The following F9 variants were observed in gnomAD, a reference collection of about 807,000 sequenced individuals.
F9 encodes the protein Christmas factor.
F9 carries 2 observed loss-of-function variants against 34.1 expected under a neutral mutation model. The ratio of observed to expected loss-of-function variants is 0.06; its 90% confidence interval spans 0.02 to 0.18. The LOEUF is 0.18. Ranked by LOEUF, F9 falls within the 10% of genes least tolerant of loss-of-function variation. F9 has a pLI of 1.00. For synonymous variants in F9, 137 were observed against 118.8 expected, an observed-to-expected ratio of 1.15 and a Z score of -1.00; for missense variants, 216 against 345.1, an observed-to-expected ratio of 0.63 and a Z score of 2.96.
intron 7 of F9, among the ~76,000 whole-genome samples, 185 bp downstream of exon 7, chrX:139,561,040 C>T (rs1416217939): frequency 9.0e-6 from 1 of 111,522 alleles, no homozygotes; most frequent in Non-Finnish European, 1.9e-5. Flanking sequence ...TGATATACCC[C>T]TATTATCACT....
chrX:139,550,301 G>A (rs966132508), intron 5 of F9, among the ~76,000 whole-genome samples: 2 of 111,903 alleles, frequency 1.8e-5, no homozygotes, highest in Admixed American at 9.5e-5. Context: ...ATACTTTGTC[G>A]CAGCTGGTTG....
At chrX:139,549,707 C>T (rs1927798243) in intron 5 of F9, among the ~76,000 whole-genome samples, 1 of 112,355 alleles carries the variant, frequency 8.9e-6, no homozygotes, top group Non-Finnish European at 1.9e-5. Flanking sequence ...TGCCCTCATT[C>T]TGGTAAACCC....
intron 4 of F9, among the ~76,000 whole-genome samples, chrX:139,542,136 CATGAA>C (rs958698533): frequency 5.4e-5 from 6 of 111,648 alleles, no homozygotes; most frequent in East Asian, 2.8e-4. Context: ...ATGAAAAAGG[CATGAA>C]ATGAAATGAA....
intron 1 of F9, among the ~76,000 whole-genome samples, chrX:139,531,533 G>A (rs4149754): frequency 0.053 from 5,886 of 111,988 alleles, 147 homozygotes; most frequent in Middle Eastern, 0.087. Flanking sequence ...GTTCCCTAGG[G>A]GAGAAAAGCA....
At chrX:139,532,892 A>G (rs961057771) in intron 1 of F9, among the ~76,000 whole-genome samples, 1 of 111,727 alleles carries the variant, frequency 9.0e-6, no homozygotes, top group Non-Finnish European at 1.9e-5. Flanking sequence ...GTCATCAGAT[A>G]ATGAAGTCAT....
chrX:139,532,777 C>CGAGT (rs1484498008), intron 1 of F9, among the ~76,000 whole-genome samples: 1 of 111,988 alleles, frequency 8.9e-6, no homozygotes, highest in African/African-American at 3.2e-5. Flanking sequence ...CAAAGAGGAT[C>CGAGT]ACTCGTGCAA....
At chrX:139,549,683 G>A (rs780194177) in intron 5 of F9, among the ~76,000 whole-genome samples, 1 of 112,102 alleles carries the variant, frequency 8.9e-6, no homozygotes, top group East Asian at 2.8e-4. Context: ...GCCCTGGGTG[G>A]GCCAGGTGTT....
chrX:139,556,960 C>T (rs777980567), intron 6 of F9, among the ~76,000 whole-genome samples: 1 of 112,041 alleles, frequency 8.9e-6, no homozygotes, highest in South Asian at 3.7e-4. Flanking sequence ...TCGCAGGTAA[C>T]GGTTACGTTG....
chrX:139,559,340 G>A (rs1374560300), intron 6 of F9, among the ~76,000 whole-genome samples: 3 of 112,444 alleles, frequency 2.7e-5, no homozygotes, highest in African/African-American at 6.5e-5. Flanking sequence ...GGATCACGAG[G>A]TTGAGAGATC....
At chrX:139,551,955 T>C (rs940569662) in intron 6 of F9, among the ~76,000 whole-genome samples, 7 of 111,597 alleles carry the variant, frequency 6.3e-5, no homozygotes, top group Non-Finnish European at 1.3e-4. Context: ...TTTGGGAGAC[T>C]GAGACGGGAG....
rs750955240 is a variant in F9 at position 139,561,792 on chromosome X, T to A, written c.1107T>A (p.Leu369=). 8.3e-7 allele frequency: 1 copy of A among 1,212,053 alleles called. No individual in the cohort carries two copies. The highest frequency in any genetic ancestry group is 1.1e-6 in the Non-Finnish European group (1 of 895,636). The change falls in exon 8 of 8, where the codon CTT becomes CTA. Residue 369 remains leucine (L), a synonymous_variant. Transcript: ENST00000218099. ...ACAAAGGGAGATCAGCTTTAGTTCT[T>A]CAGTACCTTAGAGTTCCACTTGTTG... is the stretch of plus-strand genomic sequence containing the variant. ...VFHKGRSALV[L]QYLRVPLVDR...
At chrX:139,534,676 G>A (rs947721043) in intron 1 of F9, among the ~76,000 whole-genome samples, 1 of 112,251 alleles carries the variant, frequency 8.9e-6, no homozygotes, top group African/African-American at 3.2e-5. Flanking sequence ...AGGAGGATGT[G>A]TTTAGGTTAT....
chrX:139,534,837 A>T (rs1927419573), intron 1 of F9, among the ~76,000 whole-genome samples: 1 of 111,492 alleles, frequency 9.0e-6, no homozygotes, highest in Non-Finnish European at 1.9e-5. Context: ...GTCCAGGGCC[A>T]AGTAAATGAG....
chrX:139,557,568 C>T (rs370925821), intron 6 of F9, among the ~76,000 whole-genome samples: 3 of 112,320 alleles, frequency 2.7e-5, no homozygotes, highest in East Asian at 2.8e-4. Flanking sequence ...CCTGGCCTAA[C>T]TAGCCTACTG....
intron 4 of F9, 121 bp from the exon 5 acceptor site, chrX:139,548,242 T>C: frequency 2.7e-6 from 2 of 740,290 alleles, no homozygotes; most frequent in Admixed American, 2.6e-5. Context: ...CCCCAACGTA[T>C]ATTGGGGGCA....
chrX:139,562,269 T>C lies in F9; in HGVS notation c.*198T>C, dbSNP rs1414507563. 14 of 431,171 alleles carry C rather than the reference T, an allele frequency of 3.2e-5. No homozygotes were observed. The Admixed American group carries it at 5.4e-4, about 17-fold the overall frequency. The allele number at this position is 431,171 out of a possible 1,213,427, so 35.5% of individuals were successfully genotyped here. A position where few individuals can be genotyped will look rare whatever the true frequency, so the allele number is the denominator to read the frequency against. ...ATGGAACCACTAGAGGAATATAATG[T>C]GTTAGGAAATTACAGTCATTTCTAA... On this transcript the variant is annotated 3_prime_UTR_variant, in exon 8 of 8. Transcript: ENST00000218099.
At chrX:139,559,655 T>C (rs1319573141) in intron 6 of F9, among the ~76,000 whole-genome samples, 1 of 111,836 alleles carries the variant, frequency 8.9e-6, no homozygotes, top group Non-Finnish European at 1.9e-5. Context: ...AGGTGTTCAG[T>C]AAATTAAATT....
chrX:139,539,978 G>A (rs184937691), intron 3 of F9, among the ~76,000 whole-genome samples: 3 of 111,633 alleles, frequency 2.7e-5, no homozygotes, highest in East Asian at 5.6e-4. Flanking sequence ...TTTAAAATAC[G>A]ACTGATAATT....
At chrX:139,535,209 A>C (rs1384869728) in intron 1 of F9, among the ~76,000 whole-genome samples, 1 of 111,100 alleles carries the variant, frequency 9.0e-6, no homozygotes, top group Non-Finnish European at 1.9e-5. Flanking sequence ...AAATACAAAA[A>C]TTAGCTGGGC....
Sources: allele counts gnomAD v4.1 joint callset (sites outside exome capture counted in the v4.1 genomes callset), GRCh38; gene constraint gnomAD v4.1.1; transcripts MANE v1.5; gene names NCBI Gene and HGNC (gene_info 2026-07-23, HGNC 2026-07-21).